RIT2: variants seen among roughly 807,000 people sequenced by gnomAD.
RIT2 encodes GTP-binding protein Rit2.
Under a neutral mutation model 23.7 loss-of-function variants are expected in RIT2, and 24 were observed. That is an observed-to-expected ratio of 1.01 (90% CI 0.73 to 1.43). RIT2 has a LOEUF of 1.43. Among genes scored for constraint, RIT2 ranks in the 40% most tolerant of loss-of-function variants. The pLI is 0.00. For synonymous variants in RIT2, 107 were observed against 91.1 expected (o/e 1.17, Z -0.99); for missense variants, 236 against 266.9 (o/e 0.88, Z 0.81).
chr18:42,912,979 G>A (rs913999213), intron 4 of RIT2, among the ~76,000 whole-genome samples: 1 of 151,788 alleles, frequency 6.6e-6, no homozygotes, highest in Non-Finnish European at 1.5e-5. Flanking sequence ...AAAAACGAGG[G>A]AGGAATTATT....
intron 3 of RIT2, among the ~76,000 whole-genome samples, chr18:42,954,712 G>A (rs544361711): frequency 9.2e-5 from 14 of 152,014 alleles, no homozygotes; most frequent in South Asian, 2.1e-4. Context: ...TACATACAAC[G>A]TAGCCTTCAG....
intron 4 of RIT2, among the ~76,000 whole-genome samples, chr18:42,887,208 T>C (rs952230698): frequency 2.6e-5 from 4 of 152,170 alleles, no homozygotes; most frequent in Admixed American, 2.6e-4. Flanking sequence ...GTAGGAGTTA[T>C]TCAGAAGATA....
intron 4 of RIT2, among the ~76,000 whole-genome samples, chr18:42,865,403 G>T (rs1399182859): frequency 1.3e-5 from 2 of 152,048 alleles, no homozygotes; most frequent in Non-Finnish European, 2.9e-5. Context: ...TTCTCCTGTG[G>T]CCTTCACATG....
chr18:43,023,442 T>G (rs1333914853), intron 2 of RIT2, among the ~76,000 whole-genome samples: 1 of 152,056 alleles, frequency 6.6e-6, no homozygotes, highest in Non-Finnish European at 1.5e-5. Context: ...CATTTCACCA[T>G]TTTCATCTTA....
At chr18:42,984,037 CT>C (rs1910653743) in intron 2 of RIT2, among the ~76,000 whole-genome samples, 2 of 152,034 alleles carry the variant, frequency 1.3e-5, no homozygotes, top group African/African-American at 4.8e-5. Context: ...AGCAAGTGCA[CT>C]CCTGAGCATT....
At chr18:42,830,184 T>C (rs999998730) in intron 4 of RIT2, among the ~76,000 whole-genome samples, 3 of 152,186 alleles carry the variant, frequency 2.0e-5, no homozygotes, top group African/African-American at 7.2e-5. Flanking sequence ...GAACTATCAC[T>C]TCTTTCAAGG....
At chr18:43,057,681 T>C (rs955474740) in intron 1 of RIT2, among the ~76,000 whole-genome samples, 1 of 151,502 alleles carries the variant, frequency 6.6e-6, no homozygotes, top group Non-Finnish European at 1.5e-5. Flanking sequence ...GGGTTTAAGA[T>C]TAGGGGTATA....
intron 1 of RIT2, among the ~76,000 whole-genome samples, chr18:43,036,923 A>G (rs757498513): frequency 6.6e-6 from 1 of 152,238 alleles, no homozygotes; most frequent in African/African-American, 2.4e-5. Context: ...ACTGGAGAGA[A>G]TCTGCTATCA....
intron 4 of RIT2, among the ~76,000 whole-genome samples, chr18:42,873,527 A>G (rs1173927294): frequency 6.6e-6 from 1 of 152,068 alleles, no homozygotes; most frequent in Non-Finnish European, 1.5e-5. Context: ...TATTCCCCAT[A>G]TTTATTTTAT....
intron 1 of RIT2, among the ~76,000 whole-genome samples, chr18:43,034,136 A>G (rs1911921940): frequency 1.3e-5 from 2 of 152,132 alleles, no homozygotes; most frequent in African/African-American, 4.8e-5. Context: ...AAAATAAAGA[A>G]GCTCTTGACA....
chr18:42,977,765 C>G (rs1163395654), intron 2 of RIT2, among the ~76,000 whole-genome samples: 1 of 149,930 alleles, frequency 6.7e-6, no homozygotes, highest in Admixed American at 6.7e-5. Flanking sequence ...AAATTCATTT[C>G]TTATGACTGT....
At chr18:42,904,993 C>T (rs768111931) in intron 4 of RIT2, among the ~76,000 whole-genome samples, 28 of 152,086 alleles carry the variant, frequency 1.8e-4, no homozygotes, top group Non-Finnish European at 4.0e-4. Context: ...AGGATGTATA[C>T]ATAAATTAGT....
intron 4 of RIT2, among the ~76,000 whole-genome samples, chr18:42,831,304 T>A (rs528074095): frequency 1.4e-4 from 22 of 152,332 alleles, no homozygotes; most frequent in African/African-American, 5.0e-4. Context: ...TAGTTTTATA[T>A]CTAGACAAGC....
intron 2 of RIT2, among the ~76,000 whole-genome samples, chr18:42,988,876 G>A (rs1910774932): frequency 6.6e-6 from 1 of 152,182 alleles, no homozygotes; most frequent in Non-Finnish European, 1.5e-5. Flanking sequence ...GGGCTCCTGA[G>A]GACCAGAAAG....
chr18:42,796,947 AAG>A (rs1390755305), intron 4 of RIT2, among the ~76,000 whole-genome samples: 2 of 152,214 alleles, frequency 1.3e-5, no homozygotes, highest in Non-Finnish European at 2.9e-5. Flanking sequence ...AAGAAATAAA[AAG>A]AAGTTAAAAA....
intron 4 of RIT2, among the ~76,000 whole-genome samples, chr18:42,871,973 C>A (rs1440480937): frequency 3.3e-5 from 5 of 152,122 alleles, no homozygotes; most frequent in African/African-American, 9.7e-5. Flanking sequence ...GGCTTTGTCC[C>A]ACAGACTCAT....
chr18:42,895,186 T>C (rs1296709903), intron 4 of RIT2, among the ~76,000 whole-genome samples: 2 of 152,152 alleles, frequency 1.3e-5, no homozygotes, highest in African/African-American at 2.4e-5. Flanking sequence ...TCTTTGTTTT[T>C]TTTTCTAGTA....
chr18:42,824,833 G>T (rs1470725900), intron 4 of RIT2, among the ~76,000 whole-genome samples: 1 of 151,408 alleles, frequency 6.6e-6, no homozygotes, highest in Non-Finnish European at 1.5e-5. Context: ...TGATAATGAA[G>T]AAAAATGCAG....
intron 4 of RIT2, among the ~76,000 whole-genome samples, chr18:42,848,747 G>GT (rs34602233): frequency 0.023 from 3,533 of 151,148 alleles, 152 homozygotes; most frequent in African/African-American, 0.081. Flanking sequence ...ACATTGTGAA[G>GT]TTTTTTTTTA....
Sources: allele counts gnomAD v4.1 joint callset (sites outside exome capture counted in the v4.1 genomes callset), GRCh38; gene constraint gnomAD v4.1.1; transcripts MANE v1.5; gene names NCBI Gene and HGNC (gene_info 2026-07-23, HGNC 2026-07-21).